DSCAM: variants seen among roughly 807,000 people sequenced by gnomAD.
DSCAM encodes DS cell adhesion molecule.
Under a neutral mutation model 217.7 loss-of-function variants are expected in DSCAM, and 47 were observed. That is an observed-to-expected ratio of 0.22 (90% CI 0.17 to 0.28). DSCAM has a LOEUF of 0.28. Ranked by LOEUF, DSCAM falls within the 10% of genes least tolerant of loss-of-function variation. The pLI is 1.00. For missense variants in DSCAM, 2,080 were observed against 2,618.3 expected (o/e 0.79, Z 4.49); for synonymous variants, 1,056 against 1,015.3 (o/e 1.04, Z -0.76).
At chr21:40,628,901 C>A (rs1470795394) in intron 3 of DSCAM, among the ~76,000 whole-genome samples, 1 of 152,090 alleles carries the variant, frequency 6.6e-6, no homozygotes, top group Non-Finnish European at 1.5e-5. Flanking sequence ...GCATGCACCA[C>A]CATGTAGCTA....
chr21:40,363,370 A>C, intron 4 of DSCAM, among the ~76,000 whole-genome samples: 1 of 149,262 alleles, frequency 6.7e-6, no homozygotes. Context: ...CTCCTGCCTC[A>C]GCCTCCTGAG....
chr21:40,215,606 G>A (rs963358369), intron 11 of DSCAM, among the ~76,000 whole-genome samples: 1 of 152,036 alleles, frequency 6.6e-6, no homozygotes, highest in Non-Finnish European at 1.5e-5. Context: ...TAAGCTATAG[G>A]TATGCCAAGG....
At position 40,095,128 on chromosome 21, in the gene DSCAM, A is replaced by G. The variant is rs145970230; in HGVS notation, c.3697-1254T>C. Among the ~76,000 whole-genome samples, 626 of 152,338 alleles carry G rather than the reference A, an allele frequency of 4.1e-3. 6 individuals carry two copies. The highest frequency in any genetic ancestry group is 0.014 in the African/African-American group (596 of 41,580). Reference sequence around the variant, plus strand: ...GCAGAAGGTGAAAGGCATGTCTTACATGGTGGCAGGCAAGAAAGAATGAGG... The same window carrying G: ...GCAGAAGGTGAAAGGCATGTCTTACGTGGTGGCAGGCAAGAAAGAATGAGG... On this transcript the variant is annotated intron_variant, in intron 20 of 32. Coordinates refer to ENST00000400454, the MANE Select transcript of DSCAM (RefSeq NM_001389.5).
chr21:40,784,428 C>CT (rs2091574926), intron 1 of DSCAM, among the ~76,000 whole-genome samples: 1 of 152,166 alleles, frequency 6.6e-6, no homozygotes, highest in Admixed American at 6.5e-5. Flanking sequence ...TATTAAACCT[C>CT]TTTTTTCTTA....
intron 8 of DSCAM, among the ~76,000 whole-genome samples, chr21:40,325,672 T>C (rs1406605637): frequency 6.6e-6 from 1 of 152,032 alleles, no homozygotes; most frequent in Non-Finnish European, 1.5e-5. Flanking sequence ...CCTGAGAGTA[T>C]AAAAAGACAT....
At chr21:40,769,345 C>A (rs1236083109) in intron 1 of DSCAM, among the ~76,000 whole-genome samples, 1 of 152,184 alleles carries the variant, frequency 6.6e-6, no homozygotes, top group Non-Finnish European at 1.5e-5. Context: ...GTCAGAGACC[C>A]ACAGATGACC....
intron 3 of DSCAM, among the ~76,000 whole-genome samples, chr21:40,681,683 G>C (rs2090402518): frequency 6.6e-6 from 1 of 152,130 alleles, no homozygotes; most frequent in Admixed American, 6.5e-5. Flanking sequence ...ACCTTATTTG[G>C]AAACAGGGTT....
At chr21:40,539,359 G>A (rs2076525536) in intron 3 of DSCAM, among the ~76,000 whole-genome samples, 1 of 152,108 alleles carries the variant, frequency 6.6e-6, no homozygotes, top group Non-Finnish European at 1.5e-5. Context: ...GCCGGGCATG[G>A]TGGCAGGCGC....
At chr21:40,321,467 TTC>T (rs1175172785) in intron 8 of DSCAM, among the ~76,000 whole-genome samples, 1 of 152,188 alleles carries the variant, frequency 6.6e-6, no homozygotes, top group East Asian at 1.9e-4. Flanking sequence ...AGTTGTGCAT[TTC>T]TTTTTGTGTC....
At chr21:40,784,258 T>C (rs2091573282) in intron 1 of DSCAM, among the ~76,000 whole-genome samples, 1 of 152,160 alleles carries the variant, frequency 6.6e-6, no homozygotes, top group African/African-American at 2.4e-5. Context: ...CCCTATACTG[T>C]TCTCATGGTG....
chr21:40,131,492 C>T (rs1039794727), intron 19 of DSCAM, among the ~76,000 whole-genome samples: 1 of 152,310 alleles, frequency 6.6e-6, no homozygotes, highest in East Asian at 1.9e-4. Flanking sequence ...GTTGCACGAT[C>T]TCAGCTCACT....
chr21:40,535,932 GT>G (rs1019981472), intron 3 of DSCAM, among the ~76,000 whole-genome samples: 18 of 152,168 alleles, frequency 1.2e-4, no homozygotes, highest in African/African-American at 4.1e-4. Flanking sequence ...CACCTACTTG[GT>G]TGAGAAGTAT....
chr21:40,707,201 C>T (rs2026274), intron 2 of DSCAM, among the ~76,000 whole-genome samples: 53,588 of 152,072 alleles, frequency 0.35, 11,140 homozygotes, highest in African/African-American at 0.59. Context: ...TGGTGTTTTG[C>T]AGATTATAAA....
chr21:40,461,414 A>G (rs2075805037), intron 3 of DSCAM, among the ~76,000 whole-genome samples: 1 of 152,202 alleles, frequency 6.6e-6, no homozygotes, highest in Admixed American at 6.5e-5. Context: ...TAGCCCTGCC[A>G]CAAATACTGT....
At chr21:40,320,349 G>T (rs561441219) in intron 8 of DSCAM, among the ~76,000 whole-genome samples, 2 of 151,976 alleles carry the variant, frequency 1.3e-5, no homozygotes, top group Admixed American at 6.5e-5. Context: ...TTCCTATATA[G>T]AATTATTCTT....
intron 3 of DSCAM, among the ~76,000 whole-genome samples, chr21:40,491,673 C>T (rs1450144030): frequency 1.3e-5 from 2 of 152,190 alleles, no homozygotes; most frequent in Non-Finnish European, 2.9e-5. Context: ...AACCCAGGCA[C>T]ACTGGCCTTT....
At chr21:40,341,132 C>G (rs568444341) in intron 6 of DSCAM, among the ~76,000 whole-genome samples, 277 of 152,266 alleles carry the variant, frequency 1.8e-3, no homozygotes, top group African/African-American at 6.4e-3. Context: ...TTGTCTCTTA[C>G]TATCAGAGAT....
chr21:40,259,801 G>A (rs1375109156), intron 11 of DSCAM, among the ~76,000 whole-genome samples: 1 of 149,606 alleles, frequency 6.7e-6, no homozygotes, highest in Non-Finnish European at 1.5e-5. Context: ...AGCCTCCCGA[G>A]TAGCTGGGAC....
chr21:40,305,784 C>G (rs2074066992), intron 9 of DSCAM, among the ~76,000 whole-genome samples: 1 of 152,170 alleles, frequency 6.6e-6, no homozygotes, highest in African/African-American at 2.4e-5. Flanking sequence ...GGGCTCTGTT[C>G]TGTTCCATTG....
Sources: gnomAD v4.1 joint callset for allele counts (sites outside exome capture counted in the v4.1 genomes callset) on GRCh38, gnomAD v4.1.1 for gene constraint, MANE v1.5 for transcripts, NCBI Gene and HGNC (gene_info 2026-07-23, HGNC 2026-07-21) for gene names.